Variants in DDX10 observed in about 807,000 individuals in gnomAD.
DDX10 encodes the protein DEAD-box helicase 10.
In DDX10, 74 loss-of-function variants were observed where a neutral mutation model predicts 104.3. The ratio of observed to expected loss-of-function variants is 0.71; its 90% confidence interval spans 0.59 to 0.86. DDX10 has a LOEUF of 0.86. Ranked by LOEUF, DDX10 falls within the 40% of genes least tolerant of loss-of-function variation. The pLI is 0.00. For synonymous variants in DDX10, 351 were observed against 353.4 expected (o/e 0.99, Z 0.08); for missense variants, 952 against 1,040.0 (o/e 0.92, Z 1.16).
rs903769960 is a variant in DDX10 at position 108,788,276 on chromosome 11, T to C, written c.1966-50170T>C. On this transcript the variant is annotated intron_variant, in intron 13 of 17. Coordinates refer to ENST00000322536, the MANE Select transcript of DDX10 (RefSeq NM_004398.4). ...GTGGCTAGTGTTCCTTTAAATGTGATGTAAGTTGGGTATAGTTAGTTGGCT... is the reference window on the plus strand; with the variant it reads ...GTGGCTAGTGTTCCTTTAAATGTGACGTAAGTTGGGTATAGTTAGTTGGCT... 3.3e-5 allele frequency among the ~76,000 whole-genome samples: 5 copies of C among 152,200 alleles called. 1 individual carries two copies. In the South Asian group the frequency reaches 1.0e-3, roughly 32 times the overall value.
chr11:108,796,963 G>A (rs1333934087), intron 13 of DDX10, among the ~76,000 whole-genome samples: 7 of 152,090 alleles, frequency 4.6e-5, no homozygotes, highest in Admixed American at 3.9e-4. Context: ...CCTTGATCTT[G>A]TACTTCCCAG....
chr11:108,815,013 G>A (rs1376832062), intron 13 of DDX10, among the ~76,000 whole-genome samples: 1 of 152,158 alleles, frequency 6.6e-6, no homozygotes, highest in Non-Finnish European at 1.5e-5. Flanking sequence ...GGAAGTATAA[G>A]TAGGAATGTT....
At chr11:108,810,533 T>A (rs1862164998) in intron 13 of DDX10, among the ~76,000 whole-genome samples, 1 of 152,074 alleles carries the variant, frequency 6.6e-6, no homozygotes, top group East Asian at 1.9e-4. Context: ...TGACAAGTAG[T>A]GACAGTGTTG....
intron 13 of DDX10, among the ~76,000 whole-genome samples, chr11:108,797,311 C>G (rs368412376): frequency 6.6e-6 from 1 of 152,104 alleles, no homozygotes; most frequent in East Asian, 1.9e-4. Context: ...GGATTACAGG[C>G]GTGAGCCACC....
chr11:108,839,378 C>T (rs1287902208), intron 14 of DDX10, among the ~76,000 whole-genome samples: 1 of 152,078 alleles, frequency 6.6e-6, no homozygotes, highest in African/African-American at 2.4e-5. Flanking sequence ...TGACTTCAGT[C>T]TATATTTGAC....
intron 13 of DDX10, among the ~76,000 whole-genome samples, chr11:108,739,610 C>T (rs560405087): frequency 6.6e-6 from 1 of 152,280 alleles, no homozygotes; most frequent in East Asian, 1.9e-4. Context: ...GAAGCTTTTC[C>T]ATTCAAATCT....
At chr11:108,807,352 AT>A (rs1240245867) in intron 13 of DDX10, among the ~76,000 whole-genome samples, 1 of 152,174 alleles carries the variant, frequency 6.6e-6, no homozygotes, top group Non-Finnish European at 1.5e-5. Context: ...TCAAATTTAT[AT>A]TTTAAACTGT....
chr11:108,931,860 G>A (rs1565322793), intron 17 of DDX10, among the ~76,000 whole-genome samples: 1 of 150,078 alleles, frequency 6.7e-6, no homozygotes, highest in Admixed American at 6.6e-5. Context: ...ATGCCTTGTG[G>A]AAGCCTAAAA....
Position 108,879,188 on chromosome 11 carries a change from G to A in DDX10, c.2304+26979G>A, listed in dbSNP as rs370663543. Among the ~76,000 whole-genome samples, 73 of 152,178 alleles carry A rather than the reference G, an allele frequency of 4.8e-4. No individual in the cohort carries two copies. In the Middle Eastern group the frequency reaches 0.02, roughly 43 times the overall value. On this transcript the variant is annotated intron_variant, in intron 16 of 17. Coordinates refer to ENST00000322536, the MANE Select transcript of DDX10 (RefSeq NM_004398.4). ...GGCTAATTTTTTGTAATTTAGTAGA[G>A]ACCGGGTTTCACCATGTTGGCCAGG... is the stretch of plus-strand genomic sequence containing the variant.
chr11:108,812,996 A>G (rs1461286609), intron 13 of DDX10, among the ~76,000 whole-genome samples: 1 of 151,188 alleles, frequency 6.6e-6, no homozygotes, highest in Non-Finnish European at 1.5e-5. Context: ...AAAAAAAAGA[A>G]CAAACATTTA....
intron 15 of DDX10, among the ~76,000 whole-genome samples, chr11:108,850,372 A>G (rs1862774255): frequency 6.6e-6 from 1 of 152,162 alleles, no homozygotes; most frequent in South Asian, 2.1e-4. Flanking sequence ...AAATGACTAA[A>G]TGGAAAACCC....
rs903176870 is a variant in DDX10, at chr11:108,689,776, A to G, written c.975+714A>G. Among the ~76,000 whole-genome samples, 5 of 152,212 alleles carry G rather than the reference A, an allele frequency of 3.3e-5. No homozygotes were observed. The East Asian group carries it at 9.6e-4, about 29-fold the overall frequency. On this transcript the variant is annotated intron_variant, in intron 7 of 17. Coordinates refer to ENST00000322536, the MANE Select transcript of DDX10 (RefSeq NM_004398.4). ...TATATTTCAGATTCCCAATGACTTA[A>G]TAGGGAATGTAGTAGATCAATTCTA...
At chr11:108,894,396 A>G (rs932118668) in intron 16 of DDX10, among the ~76,000 whole-genome samples, 1 of 152,062 alleles carries the variant, frequency 6.6e-6, no homozygotes, top group Non-Finnish European at 1.5e-5. Flanking sequence ...GAATATTAAA[A>G]GATGTGTTTA....
At chr11:108,805,246 A>G (rs900369426) in intron 13 of DDX10, among the ~76,000 whole-genome samples, 1 of 152,260 alleles carries the variant, frequency 6.6e-6, no homozygotes, top group Non-Finnish European at 1.5e-5. Flanking sequence ...AATGAGGTCT[A>G]TCTCATGAGA....
chr11:108,737,682 A>G (rs2094320013), intron 13 of DDX10, among the ~76,000 whole-genome samples: 1 of 152,174 alleles, frequency 6.6e-6, no homozygotes, highest in African/African-American at 2.4e-5. Context: ...GGATGAAGCT[A>G]ATATTTTCAG....
At chr11:108,702,635 A>C (rs2094270067) in intron 9 of DDX10, among the ~76,000 whole-genome samples, 1 of 152,192 alleles carries the variant, frequency 6.6e-6, no homozygotes, top group African/African-American at 2.4e-5. Context: ...ATTTCAGTGG[A>C]AGAATTAACT....
intron 17 of DDX10, chr11:108,921,412 C>G (rs1357198598): frequency 6.6e-6 from 1 of 152,174 alleles, no homozygotes; most frequent in African/African-American, 2.4e-5. Flanking sequence ...CTTCCATCTG[C>G]TTATGCTTCT....
At chr11:108,840,869 A>G (rs1010708114) in intron 14 of DDX10, among the ~76,000 whole-genome samples, 3 of 152,226 alleles carry the variant, frequency 2.0e-5, no homozygotes, top group Non-Finnish European at 2.9e-5. Flanking sequence ...AAACAGGAAC[A>G]TAAAACAACG....
chr11:108,716,066 C>T (rs1337705919), intron 11 of DDX10, 100 bp downstream of exon 11: 1 of 715,712 alleles, frequency 1.4e-6, no homozygotes, highest in African/African-American at 1.8e-5. Context: ...TTCAGATATT[C>T]AAGCAGTGTA....
Sources: allele counts gnomAD v4.1 joint callset (sites outside exome capture counted in the v4.1 genomes callset), GRCh38; gene constraint gnomAD v4.1.1; transcripts MANE v1.5; gene names NCBI Gene and HGNC (gene_info 2026-07-23, HGNC 2026-07-21).